The following PFDN4 variants were observed in gnomAD, a reference collection of about 807,000 sequenced individuals.
PFDN4 encodes the protein prefoldin 4.
Under a neutral mutation model 17.6 loss-of-function variants are expected in PFDN4, and 6 were observed. The observed-to-expected ratio is 0.34, with a 90% CI of 0.19 to 0.67. The LOEUF (loss-of-function observed/expected upper bound fraction) is 0.67, where lower values mean the gene tolerates loss of function less well. Ranked by LOEUF, PFDN4 falls within the 30% of genes least tolerant of loss-of-function variation. The pLI, the probability that PFDN4 is intolerant of heterozygous loss-of-function variation, is 0.68. For missense variants in PFDN4, 119 were observed against 158.4 expected, an observed-to-expected ratio of 0.75 and a Z score of 1.33; for synonymous variants, 48 against 51.1, an observed-to-expected ratio of 0.94 and a Z score of 0.26.
intron 1 of PFDN4, among the ~76,000 whole-genome samples, chr20:54,213,036 A>G (rs1209030256): frequency 6.6e-6 from 1 of 152,244 alleles, no homozygotes; most frequent in Non-Finnish European, 1.5e-5. Flanking sequence ...TATTCCGACC[A>G]CTGAGCTCTG....
intron 1 of PFDN4, among the ~76,000 whole-genome samples, chr20:54,213,887 G>A (rs2092759192): frequency 6.6e-6 from 1 of 151,906 alleles, no homozygotes; most frequent in South Asian, 2.1e-4. Flanking sequence ...ATGGAATAGA[G>A]CCACTGAAAT....
intron 1 of PFDN4, among the ~76,000 whole-genome samples, chr20:54,211,366 A>G (rs186252872): frequency 1.3e-4 from 20 of 152,316 alleles, no homozygotes; most frequent in South Asian, 6.2e-4. Flanking sequence ...CCGAGCAGGC[A>G]TATTTCTCTT....
rs1460172705 is a variant in PFDN4, at chr20:54,214,407, A to G, written c.81A>G (p.Ala27=). ...ATCAACAAAAGATAAACAAATTTGC[A>G]CGGAATACAAGTAGAATCACAGAGC... ...FEDQQKINKF[A]RNTSRITELK... is the part of the protein sequence containing the mutation. Residue 27 remains alanine (A), a synonymous_variant, in exon 2 of 4, where the codon GCA becomes GCG. Transcript: ENST00000371419. 2 of 1,593,924 alleles carry G rather than the reference A, an allele frequency of 1.3e-6. No homozygotes were observed. The highest frequency in any genetic ancestry group is 1.7e-6 in the Non-Finnish European group (2 of 1,165,244).
At chr20:54,218,946 A>G in intron 3 of PFDN4, 73 bp from the exon 4 acceptor site, 1 of 1,019,546 alleles carries the variant, frequency 9.8e-7, no homozygotes, top group East Asian at 2.9e-5. Context: ...ATTCTTCCCA[A>G]ATATTATTTC....
chr20:54,210,399 A>G (rs1329698607), intron 1 of PFDN4, among the ~76,000 whole-genome samples: 1 of 152,242 alleles, frequency 6.6e-6, no homozygotes, highest in Non-Finnish European at 1.5e-5. Context: ...ACATATGTGT[A>G]TGCCAGTGAG....
chr20:54,208,177 G>C, intron 1 of PFDN4, 53 bp downstream of exon 1: 1 of 1,479,118 alleles, frequency 6.8e-7, no homozygotes, highest in Non-Finnish European at 9.0e-7. Context: ...GATCTCGGCC[G>C]CTGGGGCCCG....
intron 1 of PFDN4, among the ~76,000 whole-genome samples, chr20:54,213,664 C>T (rs1271773565): frequency 1.3e-5 from 2 of 152,202 alleles, no homozygotes; most frequent in Non-Finnish European, 2.9e-5. Context: ...AGTTTTGGCA[C>T]ATAGTAAATT....
chr20:54,208,783 G>C (rs1294562708), intron 1 of PFDN4: 1 of 152,392 alleles, frequency 6.6e-6, no homozygotes, highest in East Asian at 1.9e-4. Flanking sequence ...CCGTTTATCT[G>C]TTATCCTCCC....
At position 54,215,736 on chromosome 20, in the gene PFDN4, G is replaced by C. The variant is rs750558421; in HGVS notation, c.273+296G>C. Among the ~76,000 whole-genome samples, 19 of 152,180 alleles carry C rather than the reference G, an allele frequency of 1.2e-4. 1 individual carries two copies. Among genetic ancestry groups the C allele is most frequent in the Non-Finnish European group, 2.1e-4 (14 of 68,036 alleles). On this transcript the variant is annotated intron_variant, in intron 3 of 3. Transcript: ENST00000371419. ...TGCTCAAAACTAAAAGTATTTAGAA[G>C]GTATAGCATATATTGAAGCAGAAAA...
chr20:54,210,391 A>G (rs561236850), intron 1 of PFDN4, among the ~76,000 whole-genome samples: 1 of 152,302 alleles, frequency 6.6e-6, no homozygotes, highest in Admixed American at 6.5e-5. Flanking sequence ...AGGAGAAAAC[A>G]TATGTGTATG....
intron 1 of PFDN4, among the ~76,000 whole-genome samples, chr20:54,209,087 A>G (rs1568674717): frequency 6.6e-6 from 1 of 152,190 alleles, no homozygotes; most frequent in Non-Finnish European, 1.5e-5. Context: ...GGGGAGCTTT[A>G]CAGTGTGCTA....
intron 3 of PFDN4, 114 bp downstream of exon 3, chr20:54,215,554 T>A: frequency 1.5e-6 from 1 of 669,106 alleles, no homozygotes; most frequent in Non-Finnish European, 2.4e-6. Flanking sequence ...TGCCTTGTTA[T>A]GTCCCAGGCA....
chr20:54,216,317 T>C (rs1253664113), intron 3 of PFDN4, among the ~76,000 whole-genome samples: 2 of 152,226 alleles, frequency 1.3e-5, no homozygotes, highest in Non-Finnish European at 2.9e-5. Context: ...AAACCTTTCC[T>C]AATGCTTTTG....
chr20:54,217,545 C>T (rs987739429), intron 3 of PFDN4, among the ~76,000 whole-genome samples: 2 of 152,170 alleles, frequency 1.3e-5, no homozygotes, highest in Admixed American at 6.5e-5. Flanking sequence ...GCCATAATTA[C>T]TATGAAAGCA....
intron 3 of PFDN4, among the ~76,000 whole-genome samples, chr20:54,217,138 A>G (rs777187663): frequency 1.4e-4 from 21 of 152,330 alleles, no homozygotes; most frequent in Non-Finnish European, 2.1e-4. Context: ...GATAATGAGT[A>G]GAAAGTGATA....
At chr20:54,218,012 C>G (rs185770778) in intron 3 of PFDN4, among the ~76,000 whole-genome samples, 2 of 152,032 alleles carry the variant, frequency 1.3e-5, no homozygotes, top group East Asian at 3.9e-4. Context: ...TCGGGGCCAC[C>G]GTTTGAGAAC....
At chr20:54,218,940 T>G in intron 3 of PFDN4, 79 bp from the exon 4 acceptor site, 1 of 950,710 alleles carries the variant, frequency 1.1e-6, no homozygotes, top group Non-Finnish European at 1.6e-6. Flanking sequence ...CCTAAAATTC[T>G]TCCCAAATAT....
chr20:54,209,993 G>A (rs181781132), intron 1 of PFDN4, among the ~76,000 whole-genome samples: 1 of 152,296 alleles, frequency 6.6e-6, no homozygotes, highest in Admixed American at 6.5e-5. Flanking sequence ...TATGAAATGA[G>A]GGCCAAAATG....
In PFDN4 at chr20:54,214,477, A is replaced by G; in HGVS notation, c.132+19A>G. On this transcript the variant is annotated intron_variant, in intron 2 of 3. Transcript: ENST00000371419. Reference sequence around the variant, plus strand: ...AAAAAAGGTATTGAAAATAATTATTAGAAGAATAAAATTTTTTTATACTAT... The same window carrying G: ...AAAAAAGGTATTGAAAATAATTATTGGAAGAATAAAATTTTTTTATACTAT... 1.6e-6 allele frequency: 2 copies of G among 1,228,520 alleles called. No homozygotes were observed. Among genetic ancestry groups the G allele is most frequent in the Non-Finnish European group, 1.2e-6 (1 of 867,628 alleles). The allele number at this position is 1,228,520 out of a possible 1,614,324, so 76.1% of individuals were successfully genotyped here. A position where few individuals can be genotyped will look rare whatever the true frequency, so the allele number is the denominator to read the frequency against.
Sources: gnomAD v4.1 joint callset for allele counts (sites outside exome capture counted in the v4.1 genomes callset) on GRCh38, gnomAD v4.1.1 for gene constraint, MANE v1.5 for transcripts, NCBI Gene and HGNC (gene_info 2026-07-23, HGNC 2026-07-21) for gene names.